Variants in HIVEP1 observed in about 807,000 individuals in gnomAD.
HIVEP1 encodes the protein zinc finger protein 40.
In HIVEP1, 36 loss-of-function variants were observed where a neutral mutation model predicts 180.0. The ratio of observed to expected loss-of-function variants is 0.20; its 90% CI spans 0.15 to 0.26. The LOEUF (loss-of-function observed/expected upper bound fraction) is 0.26. HIVEP1 is among the 10% of genes least tolerant of loss of function. The pLI is 1.00. For missense variants in HIVEP1, 3,143 were observed against 3,268.7 expected (o/e 0.96, Z 0.94); for synonymous variants, 1,239 against 1,239.0 (o/e 1.00, Z 0.00).
the HIVEP1 span, among the ~76,000 whole-genome samples, chr6:12,198,707 T>C: frequency 6.6e-6 from 1 of 152,114 alleles, no homozygotes; most frequent in African/African-American, 2.4e-5. Flanking sequence ...AAGGAAGAAT[T>C]TCCTGAGGAG....
intron 3 of HIVEP1, among the ~76,000 whole-genome samples, chr6:12,095,974 G>T (rs1008372734): frequency 1.3e-5 from 2 of 151,978 alleles, no homozygotes; most frequent in African/African-American, 4.8e-5. Context: ...CGATGATCCA[G>T]GATAAAAGAG....
intron 3 of HIVEP1, among the ~76,000 whole-genome samples, chr6:12,094,964 CATTCT>C (rs1478087466): frequency 6.6e-6 from 1 of 151,952 alleles, no homozygotes; most frequent in East Asian, 1.9e-4. Flanking sequence ...ATTATCCAAA[CATTCT>C]ATTTTCTCTT....
At chr6:12,165,265 C>G (rs533803130), downstream of HIVEP1, 20 of 343,742 alleles carry the variant, frequency 5.8e-5, no homozygotes, top group Non-Finnish European at 1.1e-4. Context: ...ATACATAAAG[C>G]ATATAGCCTA....
Position 12,120,032 on chromosome 6 carries a change from A to G in HIVEP1, c.237A>G (p.Thr79=), listed in dbSNP as rs1032379380. The change falls in exon 4 of 9, where the codon ACA becomes ACG. Residue 79 remains threonine, a synonymous_variant. Coordinates refer to ENST00000379388, the MANE Select transcript of HIVEP1 (RefSeq NM_002114.4). ...NPLQAKHKQN[T]EESSFAVLHS... ...TTCAGGCAAAACATAAACAAAATAC[A>G]GAAGAGTCATCTTTCGCCGTTCTTC... is the stretch of plus-strand genomic sequence containing the variant. 2.5e-6 allele frequency: 4 copies of G among 1,613,284 alleles called. No homozygotes were observed. Among genetic ancestry groups the G allele is most frequent in the East Asian group, 2.2e-5 (1 of 44,884 alleles).
chr6:12,178,797 C>T, the HIVEP1 span, among the ~76,000 whole-genome samples: 1 of 152,176 alleles, frequency 6.6e-6, no homozygotes, highest in Non-Finnish European at 1.5e-5. Context: ...CGAAAAAATT[C>T]ATTGTGTGGT....
At chr6:12,107,979 C>G (rs1296296385) in intron 3 of HIVEP1, among the ~76,000 whole-genome samples, 1 of 152,168 alleles carries the variant, frequency 6.6e-6, no homozygotes, top group Non-Finnish European at 1.5e-5. Flanking sequence ...GAAGGCCCCA[C>G]CAGAGTAGCT....
At chr6:12,094,044 T>C (rs1056758854) in intron 3 of HIVEP1, among the ~76,000 whole-genome samples, 3 of 152,034 alleles carry the variant, frequency 2.0e-5, no homozygotes, top group Non-Finnish European at 4.4e-5. Context: ...GTGTTTTCTT[T>C]AGTGTCTTAT....
chr6:12,188,505 T>C, the HIVEP1 span, among the ~76,000 whole-genome samples: 135 of 152,250 alleles, frequency 8.9e-4, no homozygotes, highest in African/African-American at 3.2e-3. Flanking sequence ...ATTCTGTGAT[T>C]GTACACATGA....
chr6:12,157,261 G>T (rs114919588), intron 7 of HIVEP1, among the ~76,000 whole-genome samples: 1,874 of 152,104 alleles, frequency 0.012, 35 homozygotes, highest in African/African-American at 0.043. Context: ...ATTTTATTCA[G>T]TCCTAGTCAT....
chr6:12,097,597 G>C (rs1773855699), intron 3 of HIVEP1, among the ~76,000 whole-genome samples: 1 of 151,962 alleles, frequency 6.6e-6, no homozygotes, highest in Admixed American at 6.5e-5. Context: ...TAGTGTAATA[G>C]ACAGTGAATG....
At chr6:12,200,847 C>A in the HIVEP1 span, among the ~76,000 whole-genome samples, 1 of 152,212 alleles carries the variant, frequency 6.6e-6, no homozygotes, top group Non-Finnish European at 1.5e-5. Flanking sequence ...GTTTTAATAA[C>A]CCTTCCCCCC....
At chr6:12,042,579 A>G (rs987206923) in intron 2 of HIVEP1, among the ~76,000 whole-genome samples, 1 of 151,530 alleles carries the variant, frequency 6.6e-6, no homozygotes, top group Non-Finnish European at 1.5e-5. Context: ...TTTTAGTTCT[A>G]TTAGTGGTGC....
At chr6:12,138,581 CT>C (rs1181975440) in intron 7 of HIVEP1, among the ~76,000 whole-genome samples, 1 of 152,164 alleles carries the variant, frequency 6.6e-6, no homozygotes, top group Non-Finnish European at 1.5e-5. Context: ...CCTCCCCAGC[CT>C]CTCACATAGG....
chr6:12,139,510 G>A (rs757893482), intron 7 of HIVEP1, among the ~76,000 whole-genome samples: 26 of 152,262 alleles, frequency 1.7e-4, no homozygotes, highest in Non-Finnish European at 2.5e-4. Flanking sequence ...GCCCACAGAG[G>A]GTGAGCCAAA....
intron 2 of HIVEP1, among the ~76,000 whole-genome samples, chr6:12,061,351 A>G (rs905046468): frequency 6.6e-6 from 1 of 152,254 alleles, no homozygotes; most frequent in African/African-American, 2.4e-5. Flanking sequence ...TGACATCAAT[A>G]GCAGGTCAAA....
At chr6:12,143,592 A>G (rs1038862096) in intron 7 of HIVEP1, among the ~76,000 whole-genome samples, 3 of 152,230 alleles carry the variant, frequency 2.0e-5, no homozygotes, top group African/African-American at 4.8e-5. Flanking sequence ...GAAGAAGTCA[A>G]ATTGTCCCTG....
In HIVEP1 at chr6:12,124,301, C is replaced by T. The variant is rs1295389214; in HGVS notation, c.4506C>T (p.Asn1502=). The T allele has an allele frequency of 5.0e-6, 8 of 1,613,908 alleles. No homozygotes were observed. In the Admixed American group the frequency reaches 5.0e-5, roughly 10 times the overall value. Residue 1502 remains asparagine (N), a synonymous_variant, in exon 4 of 9, where the codon AAC becomes AAT. Transcript: ENST00000379388. The part of the protein sequence containing the change: ...QAETSNSSST[N]VFPVQQLCDI... Reference sequence around the variant, plus strand: ...AAACATCAAACTCCAGCTCTACCAACGTTTTTCCTGTTCAACAGCTCTGTG... The same window carrying T: ...AAACATCAAACTCCAGCTCTACCAATGTTTTTCCTGTTCAACAGCTCTGTG...
intron 3 of HIVEP1, among the ~76,000 whole-genome samples, chr6:12,116,108 A>G (rs1023554799): frequency 1.3e-5 from 2 of 152,048 alleles, no homozygotes; most frequent in Admixed American, 6.5e-5. Flanking sequence ...CCTCTTGACT[A>G]TGTTGTAGAT....
the HIVEP1 span, among the ~76,000 whole-genome samples, chr6:12,189,077 G>A: frequency 6.6e-6 from 1 of 151,942 alleles, no homozygotes; most frequent in Non-Finnish European, 1.5e-5. Context: ...CATCACTAGA[G>A]AAATGATGAT....
Sources: allele counts gnomAD v4.1 joint callset (sites outside exome capture counted in the v4.1 genomes callset), GRCh38; gene constraint gnomAD v4.1.1; transcripts MANE v1.5; gene names NCBI Gene and HGNC (gene_info 2026-07-23, HGNC 2026-07-21).